The following SULF1 variants were observed in gnomAD, a reference collection of about 807,000 sequenced individuals.
The protein encoded by SULF1 is extracellular sulfatase Sulf-1.
SULF1 carries 46 observed loss-of-function variants against 110.5 expected under a neutral mutation model. That is an observed-to-expected ratio of 0.42 (90% CI 0.33 to 0.53). The LOEUF is 0.53. SULF1 is among the 20% of genes least tolerant of loss of function. The pLI, the probability that SULF1 is intolerant of heterozygous loss-of-function variation, is 0.12. For synonymous variants in SULF1, 371 were observed against 387.1 expected (o/e 0.96, Z 0.49); for missense variants, 941 against 1,094.2 (o/e 0.86, Z 1.98).
chr8:69,601,412 C>T (rs1353607953), intron 9 of SULF1, among the ~76,000 whole-genome samples: 1 of 152,062 alleles, frequency 6.6e-6, no homozygotes, highest in African/African-American at 2.4e-5. Context: ...TTCTACCAAA[C>T]AAGCAAACAA....
chr8:69,611,091 C>T (rs1394124410), intron 13 of SULF1, among the ~76,000 whole-genome samples: 6 of 152,236 alleles, frequency 3.9e-5, no homozygotes, highest in African/African-American at 9.6e-5. Context: ...GCTTTCTTGG[C>T]ATTTGCCTAT....
intron 10 of SULF1, 41 bp downstream of exon 10, chr8:69,601,870 C>T: frequency 6.4e-7 from 1 of 1,555,026 alleles, no homozygotes; most frequent in Non-Finnish European, 8.7e-7. Flanking sequence ...TGTCGTACCT[C>T]AAGTGTGTCT....
At chr8:69,587,540 T>G (rs1806561365) in intron 7 of SULF1, among the ~76,000 whole-genome samples, 1 of 152,230 alleles carries the variant, frequency 6.6e-6, no homozygotes, top group South Asian at 2.1e-4. Context: ...AAGTTAAAAG[T>G]TAGCAGAGAC....
chr8:69,555,776 T>C (rs1363478083), intron 3 of SULF1, among the ~76,000 whole-genome samples: 1 of 152,224 alleles, frequency 6.6e-6, no homozygotes, highest in Non-Finnish European at 1.5e-5. Flanking sequence ...GATTTTCAGA[T>C]GGTATATTTA....
At chr8:69,652,615 A>G (rs1812425238) in intron 22 of SULF1, among the ~76,000 whole-genome samples, 1 of 152,084 alleles carries the variant, frequency 6.6e-6, no homozygotes, top group Non-Finnish European at 1.5e-5. Flanking sequence ...CTGCCTCCTC[A>G]CATATTTTAA....
chr8:69,513,771 G>T (rs1586272666), intron 3 of SULF1, among the ~76,000 whole-genome samples: 1 of 152,144 alleles, frequency 6.6e-6, no homozygotes, highest in Non-Finnish European at 1.5e-5. Flanking sequence ...GGTGTGGCCA[G>T]GGTTTCTAAT....
intron 3 of SULF1, among the ~76,000 whole-genome samples, chr8:69,550,313 A>G (rs1814603646): frequency 6.6e-6 from 1 of 152,048 alleles, no homozygotes; most frequent in Admixed American, 6.5e-5. Flanking sequence ...TTCCTACTTC[A>G]TTGGTGTGTG....
upstream of SULF1, among the ~76,000 whole-genome samples, chr8:69,488,966 G>C (rs73287667): frequency 3.2e-3 from 481 of 152,212 alleles, 2 homozygotes; most frequent in African/African-American, 0.011. Context: ...AAACCCATAA[G>C]GTTGAAGACC....
chr8:69,522,329 G>T (rs990635892), intron 3 of SULF1, among the ~76,000 whole-genome samples: 1 of 152,146 alleles, frequency 6.6e-6, no homozygotes, highest in Non-Finnish European at 1.5e-5. Flanking sequence ...ACAGGCATGA[G>T]CCACCGTGCT....
At chr8:69,501,486 G>T (rs966209719) in intron 2 of SULF1, among the ~76,000 whole-genome samples, 9 of 152,134 alleles carry the variant, frequency 5.9e-5, no homozygotes, top group Admixed American at 4.6e-4. Context: ...ATGATTCAGC[G>T]CGTTTTCCTT....
At chr8:69,483,267 C>T (rs1316829402) in intron 1 of SULF1, among the ~76,000 whole-genome samples, 1 of 152,178 alleles carries the variant, frequency 6.6e-6, no homozygotes, top group Non-Finnish European at 1.5e-5. Flanking sequence ...TCACGAGAAA[C>T]TCATAATGAT....
chr8:69,559,674 T>C (rs1365635664), intron 3 of SULF1, among the ~76,000 whole-genome samples: 5 of 152,228 alleles, frequency 3.3e-5, no homozygotes, highest in African/African-American at 1.2e-4. Flanking sequence ...TTTTGTTTGT[T>C]TGTTTGTTTA....
intron 22 of SULF1, among the ~76,000 whole-genome samples, chr8:69,653,768 G>T (rs985468892): frequency 2.6e-5 from 4 of 152,124 alleles, no homozygotes; most frequent in Non-Finnish European, 4.4e-5. Flanking sequence ...GCTGTCTAGG[G>T]TACCCTAGCC....
chr8:69,627,630 A>T, intron 16 of SULF1, 142 bp from the exon 17 acceptor site: 1 of 684,362 alleles, frequency 1.5e-6, no homozygotes, highest in Non-Finnish European at 2.6e-6. Flanking sequence ...GACATATTCT[A>T]TGCCCAGTTT....
At chr8:69,502,888 T>C (rs896077237) in intron 3 of SULF1, among the ~76,000 whole-genome samples, 6 of 151,940 alleles carry the variant, frequency 3.9e-5, no homozygotes, top group Non-Finnish European at 8.8e-5. Context: ...GGTTTCACCA[T>C]GTTGGCCAGG....
chr8:69,548,617 T>G (rs1586369473), intron 3 of SULF1, among the ~76,000 whole-genome samples: 1 of 148,816 alleles, frequency 6.7e-6, no homozygotes, highest in African/African-American at 2.5e-5. Flanking sequence ...CTCGCTGATT[T>G]TTTTTTTTTT....
chr8:69,527,969 A>C (rs1360190564), intron 3 of SULF1, among the ~76,000 whole-genome samples: 1 of 152,202 alleles, frequency 6.6e-6, no homozygotes, highest in African/African-American at 2.4e-5. Context: ...AATATAATGC[A>C]TCAAACTAAA....
chr8:69,567,004 A>G (rs1815928936), intron 5 of SULF1, among the ~76,000 whole-genome samples: 1 of 152,200 alleles, frequency 6.6e-6, no homozygotes, highest in African/African-American at 2.4e-5. Context: ...CCTGTATTAG[A>G]TCTGAGTCTC....
chr8:69,471,393 A>G (rs1809076440), intron 1 of SULF1, among the ~76,000 whole-genome samples: 1 of 138,896 alleles, frequency 7.2e-6, no homozygotes, highest in Non-Finnish European at 1.6e-5. Flanking sequence ...CACCCAGGAC[A>G]GGAAACGAAA....
Sources: gnomAD v4.1 joint callset for allele counts (sites outside exome capture counted in the v4.1 genomes callset) on GRCh38, gnomAD v4.1.1 for gene constraint, MANE v1.5 for transcripts, NCBI Gene and HGNC (gene_info 2026-07-23, HGNC 2026-07-21) for gene names.